Variants in NPHP4 observed in about 807,000 individuals in gnomAD.
NPHP4 encodes nephrocystin-4.
In NPHP4, 151 loss-of-function variants were observed where a neutral mutation model predicts 155.8. That is an observed-to-expected ratio of 0.97 (90% CI 0.85 to 1.11). The LOEUF (loss-of-function observed/expected upper bound fraction) is 1.11, where lower values mean the gene tolerates loss of function less well. NPHP4 is among the 50% of genes least tolerant of loss of function. The pLI is 0.00. For missense variants in NPHP4, 1,956 were observed against 1,925.7 expected (o/e 1.02, Z -0.29); for synonymous variants, 845 against 816.8 (o/e 1.03, Z -0.59).
intron 12 of NPHP4, among the ~76,000 whole-genome samples, chr1:5,908,485 C>T (rs1417109878): frequency 6.6e-6 from 1 of 152,198 alleles, no homozygotes; most frequent in Non-Finnish European, 1.5e-5. Flanking sequence ...CACATCTGAC[C>T]TCACTGCAAA....
rs189500273 is a variant in NPHP4, at chr1:5,964,891, T to C, written c.517+2408A>G. ...ATATAACACACATATAAATATACTA[T>C]ATATAAAATATATAATACATATATA... On this transcript the variant is annotated intron_variant, in intron 5 of 29. Coordinates refer to ENST00000378156, the MANE Select transcript of NPHP4 (RefSeq NM_015102.5). 9.5e-3 allele frequency among the ~76,000 whole-genome samples: 1,319 copies of C among 139,148 alleles called. 30 individuals are homozygous for C. The highest frequency in any genetic ancestry group is 0.033 in the African/African-American group (1,238 of 37,150). The allele number at this position is 139,148 out of a possible 152,430, so 91.3% of individuals were successfully genotyped here. A position where few individuals can be genotyped will look rare whatever the true frequency, so the allele number is the denominator to read the frequency against.
At position 5,889,411 on chromosome 1, in the gene NPHP4, C is replaced by A. The variant is rs1464030654; in HGVS notation, c.2304+1457G>T. On this transcript the variant is annotated intron_variant, in intron 17 of 29. Coordinates refer to ENST00000378156, the MANE Select transcript of NPHP4 (RefSeq NM_015102.5). The surrounding 1 kb of genome is among the most constrained non-coding windows in gnomAD (Gnocchi z 4.2). ...AAGATTTTATTTTAGAAAAGTGAAG[C>A]TTTAAATTTAATTTATTCAAGTCTA... Among the ~76,000 whole-genome samples the A allele has an allele frequency of 6.6e-6, 1 of 152,206 alleles. No individual in the cohort carries two copies. The highest frequency in any genetic ancestry group is 2.4e-5 in the African/African-American group (1 of 41,446).
chr1:5,881,341 G>A (rs976156718), intron 18 of NPHP4: 7 of 152,370 alleles, frequency 4.6e-5, no homozygotes, highest in African/African-American at 7.2e-5. Context: ...GCTGGCTGAC[G>A]GAGGTGTCTC....
chr1:5,878,220 T>C (rs1269460596), intron 19 of NPHP4, among the ~76,000 whole-genome samples: 4 of 152,222 alleles, frequency 2.6e-5, no homozygotes, highest in African/African-American at 9.6e-5. Context: ...GGGCACCCCC[T>C]GCAGAAGCCT....
chr1:5,923,678 T>A (rs1056531923), intron 11 of NPHP4, among the ~76,000 whole-genome samples: 4 of 152,232 alleles, frequency 2.6e-5, no homozygotes, highest in South Asian at 2.1e-4. Flanking sequence ...GCACCTGTCA[T>A]CTCAGTGAGG....
intron 3 of NPHP4, among the ~76,000 whole-genome samples, chr1:5,971,059 C>T (rs1652472414): frequency 6.6e-6 from 1 of 152,194 alleles, no homozygotes; most frequent in African/African-American, 2.4e-5. Flanking sequence ...CTTACGAACA[C>T]TACTCACTTT....
In NPHP4 at chr1:5,877,140, G is replaced by C. The variant is rs770984804; in HGVS notation, c.2770C>G (p.Leu924Val). The C allele has an allele frequency of 1.4e-5, 23 of 1,594,512 alleles. No individual in the cohort carries two copies. Among genetic ancestry groups the C allele is most frequent in the Non-Finnish European group, 1.8e-5 (21 of 1,165,346 alleles). ...RKLERMRSVR[L>V]QEAGGDLGRR... Reference sequence around the variant, plus strand: ...CCCAAGTCTCCCCCGGCCTCCTGCAGGCGCACAGACCTCATCCGCTCCAGC... The same window carrying C: ...CCCAAGTCTCCCCCGGCCTCCTGCACGCGCACAGACCTCATCCGCTCCAGC... Residue 924 changes from leucine (L) to valine (V), a missense_variant, in exon 20 of 30, where the codon CTG becomes GTG. Transcript: ENST00000378156.
chr1:5,924,573 C>T (rs935408935), intron 11 of NPHP4, among the ~76,000 whole-genome samples: 21 of 152,180 alleles, frequency 1.4e-4, no homozygotes, highest in African/African-American at 5.1e-4. Flanking sequence ...AGGATCAGCC[C>T]ATCAGAGTTT....
chr1:5,924,740 C>A lies in NPHP4; in HGVS notation c.1441+2909G>T, dbSNP rs185025703. ...CGTAATCACGGCTCACTGCAGCCTCCATCTCCCGGGCTCAACCAATCCTCT... is the reference window on the plus strand; with the variant it reads ...CGTAATCACGGCTCACTGCAGCCTCAATCTCCCGGGCTCAACCAATCCTCT... On this transcript the variant is annotated intron_variant, in intron 11 of 29. Coordinates refer to ENST00000378156, the MANE Select transcript of NPHP4 (RefSeq NM_015102.5). 7.9e-3 allele frequency among the ~76,000 whole-genome samples: 1,198 copies of A among 152,272 alleles called. 13 individuals are homozygous for A. The highest frequency in any genetic ancestry group is 0.027 in the African/African-American group (1,107 of 41,552).
At chr1:5,978,512 G>A in intron 2 of NPHP4, 99 bp from the exon 3 acceptor site, 1 of 1,138,508 alleles carries the variant, frequency 8.8e-7, no homozygotes, top group Non-Finnish European at 1.3e-6. Context: ...ACCTCGCTCA[G>A]ATATCAGCAC....
At position 5,867,044 on chromosome 1, in the gene NPHP4, C is replaced by G; in HGVS notation, c.3544G>C (p.Glu1182Gln). 1.2e-6 allele frequency: 2 copies of G among 1,612,936 alleles called. No individual in the cohort carries two copies. The highest frequency in any genetic ancestry group is 4.5e-5 in the East Asian group (2 of 44,850). Residue 1182 changes from glutamate to glutamine, a missense_variant, in exon 25 of 30, where the codon GAG (glutamate) becomes CAG (glutamine). Glu to Gln is a conservative substitution (Grantham distance 29). Transcript: ENST00000378156. The surrounding 1 kb of genome is among the most constrained non-coding windows in gnomAD (Gnocchi z 4.1). ...ACACAACCTACCACATTCTGGGTCT[C>G]ACAGATGACGTTCGGGTCGCTGCAG... The part of the protein sequence containing the change: ...VRCSDPNVIC[E>Q]TQNVGPGEPR...
chr1:5,968,134 T>C (rs1651873392), intron 4 of NPHP4, among the ~76,000 whole-genome samples: 1 of 151,922 alleles, frequency 6.6e-6, no homozygotes. Flanking sequence ...TTACTCCTCA[T>C]ATACAGATGA....
chr1:5,936,134 A>G (rs1646524924), intron 9 of NPHP4, among the ~76,000 whole-genome samples: 1 of 152,166 alleles, frequency 6.6e-6, no homozygotes, highest in South Asian at 2.1e-4. Context: ...TCAGTAGATG[A>G]TCTCCTCTGT....
chr1:5,942,530 CAAAAAAAAAA>C (rs71568632), intron 9 of NPHP4, among the ~76,000 whole-genome samples: 3 of 19,734 alleles, frequency 1.5e-4, no homozygotes, highest in Non-Finnish European at 3.1e-4. Context: ...GACTCCATCT[CAAAAAAAAAA>C]AAAAAAAAAA....
At chr1:5,863,801 G>T in intron 29 of NPHP4, 89 bp downstream of exon 29, 2 of 1,409,752 alleles carry the variant, frequency 1.4e-6, no homozygotes, top group Non-Finnish European at 2.0e-6. Context: ...CTGGTGATTT[G>T]AGGAACTCGC....
chr1:5,983,965 A>G (rs1481417208), intron 2 of NPHP4, among the ~76,000 whole-genome samples: 4 of 152,148 alleles, frequency 2.6e-5, no homozygotes, highest in Non-Finnish European at 5.9e-5. Context: ...TGGGTTTTAA[A>G]TAACTTTTAA....
chr1:5,895,825 C>T (rs1255134259), intron 16 of NPHP4, among the ~76,000 whole-genome samples: 3 of 152,200 alleles, frequency 2.0e-5, no homozygotes, highest in Non-Finnish European at 4.4e-5. Context: ...GCAGCATAAC[C>T]ACCCCACAGA....
chr1:5,949,869 A>C (rs1647618499), intron 7 of NPHP4, among the ~76,000 whole-genome samples: 1 of 152,174 alleles, frequency 6.6e-6, no homozygotes, highest in Admixed American at 6.5e-5. Flanking sequence ...AACCATGACC[A>C]GGAGGCAGCA....
chr1:5,965,543 T>C (rs572087015), intron 5 of NPHP4, among the ~76,000 whole-genome samples: 1 of 152,320 alleles, frequency 6.6e-6, no homozygotes, highest in South Asian at 2.1e-4. Context: ...CCTGACTGGT[T>C]GTTCTCAGTA....
Sources: allele counts gnomAD v4.1 joint callset (sites outside exome capture counted in the v4.1 genomes callset), GRCh38; gene constraint gnomAD v4.1.1; non-coding constraint Gnocchi (gnomAD v3.1); transcripts MANE v1.5; gene names NCBI Gene and HGNC (gene_info 2026-07-23, HGNC 2026-07-21).